Variants in ZNF217 observed in about 807,000 individuals in gnomAD.
ZNF217 encodes the protein zinc finger protein 217.
In ZNF217, 12 loss-of-function variants were observed where a neutral mutation model predicts 73.3. The ratio of observed to expected loss-of-function variants is 0.16; its 90% CI spans 0.10 to 0.27. The LOEUF (loss-of-function observed/expected upper bound fraction) is 0.27. ZNF217 is among the 10% of genes least tolerant of loss of function. The probability of loss-of-function intolerance (pLI) is 1.00; values close to 1 mark genes in which losing one functional copy is unlikely to be tolerated. For synonymous variants in ZNF217, 588 were observed against 516.4 expected (o/e 1.14, Z -1.88); for missense variants, 1,195 against 1,327.8 (o/e 0.90, Z 1.55).
chr20:53,593,460 G>A (rs966422268), intron 1 of ZNF217, among the ~76,000 whole-genome samples: 2 of 47,454 alleles, frequency 4.2e-5, no homozygotes, highest in African/African-American at 1.7e-4. Flanking sequence ...CCCCGCTCCC[G>A]GCGGAGATTC....
At chr20:53,596,040 G>A (rs1178082784), upstream of ZNF217, among the ~76,000 whole-genome samples, 4 of 152,102 alleles carry the variant, frequency 2.6e-5, no homozygotes, top group Middle Eastern at 6.3e-3. Context: ...AACTTTTCAG[G>A]GGGAATAGGG....
intron 1 of ZNF217, among the ~76,000 whole-genome samples, chr20:53,590,518 G>C (rs1988841172): frequency 6.6e-6 from 1 of 152,050 alleles, no homozygotes; most frequent in African/African-American, 2.4e-5. Context: ...CTTTTTTAAA[G>C]TGGCATCTTT....
upstream of ZNF217, among the ~76,000 whole-genome samples, chr20:53,595,829 A>T (rs1047861516): frequency 2.2e-4 from 34 of 152,252 alleles, no homozygotes; most frequent in Non-Finnish European, 3.5e-4. Flanking sequence ...ACTTCATTTA[A>T]CTTTATGAAA....
chr20:53,573,023 C>A (rs544888287), intron 4 of ZNF217, among the ~76,000 whole-genome samples: 1 of 152,096 alleles, frequency 6.6e-6, no homozygotes, highest in African/African-American at 2.4e-5. Context: ...CAGGACCACC[C>A]GCCCCCACCA....
rs377359874 is a variant in ZNF217, at chr20:53,587,782, GT to G, written c.-342-4615del. 4.7e-3 allele frequency among the ~76,000 whole-genome samples: 693 copies of G among 148,138 alleles called. 10 individuals are homozygous for G. The highest frequency in any genetic ancestry group is 0.016 in the African/African-American group (647 of 39,716). On this transcript the variant is annotated intron_variant, in intron 1 of 5. Transcript: ENST00000371471. ...CTAGAAGTTTACATTTTCTCTGAAA[GT>G]TTTTCCTCTGTCTTTTACGCACAGT...
chr20:53,593,959 C>T (rs1988981984), upstream of ZNF217: 3 of 151,734 alleles, frequency 2.0e-5, no homozygotes, highest in Non-Finnish European at 4.4e-5. Context: ...CGCACCCGGC[C>T]CCCCAAAAGA....
Position 53,576,901 on chromosome 20 carries a change from A to G in ZNF217, c.1863T>C (p.Ala621=). The change falls in exon 4 of 6, where the codon GCT becomes GCC. Residue 621 remains alanine, a synonymous_variant. Coordinates refer to ENST00000371471, the MANE Select transcript of ZNF217 (RefSeq NM_006526.3). The part of the protein sequence containing the change: ...ADKVNKNPTP[A]YLDLLKKRSA... The stretch of plus-strand genomic sequence containing the variant: ...ATCTCTTTTTTAACAGGTCCAGGTA[A>G]GCAGGGGTAGGGTTTTTATTCACTT... The G allele has an allele frequency of 6.2e-7, 1 of 1,614,214 alleles. No homozygotes were observed. The highest frequency in any genetic ancestry group is 1.3e-5 in the African/African-American group (1 of 75,048).
intron 4 of ZNF217, chr20:53,574,908 G>C (rs1228152288): frequency 6.6e-6 from 1 of 152,326 alleles, no homozygotes; most frequent in Non-Finnish European, 1.5e-5. Context: ...GGGCTGTGAT[G>C]AAGTGAGGCA....
chr20:53,578,518 T>A, intron 2 of ZNF217, 68 bp from the exon 3 acceptor site: 1 of 954,120 alleles, frequency 1.0e-6, no homozygotes, highest in Non-Finnish European at 1.5e-6. Flanking sequence ...CATGCTGACT[T>A]AAATATTCTT....
chr20:53,569,554 T>C (rs960902831), intron 5 of ZNF217, among the ~76,000 whole-genome samples: 4 of 152,112 alleles, frequency 2.6e-5, no homozygotes, highest in African/African-American at 9.7e-5. Flanking sequence ...GGCTAATTTT[T>C]TTGTATTTTT....
In ZNF217 at chr20:53,576,309, T is replaced by C. The variant is rs1988265697; in HGVS notation, c.2455A>G (p.Lys819Glu). 6.2e-7 allele frequency: 1 copy of C among 1,614,104 alleles called. No individual in the cohort carries two copies. Among genetic ancestry groups the C allele is most frequent in the Non-Finnish European group, 8.5e-7 (1 of 1,180,046 alleles). ...ACATTCTGCTGTGGTCTGTGGGACT[T>C]CAGGTTACTTGGGGCTAAAGTGCTA... The part of the protein sequence containing the change: ...DSSTLAPSNL[K>E]SHRPQQNVGV... The change falls in exon 4 of 6, where the codon AAG becomes GAG. Residue 819 changes from lysine (K) to glutamate (E), a missense_variant. Lys to Glu is a moderately conservative substitution (Grantham distance 56). Transcript: ENST00000371471.
chr20:53,582,686 T>C lies in ZNF217; in HGVS notation c.141A>G (p.Pro47=). ...ALSMKGTAVV[P]FRATQEKNVI... ...CATTTTTTTCTTGTGTAGCTCGGAA[T>C]GGAACAACAGCGGTCCCTTTCATTG... The change falls in exon 2 of 6, where the codon CCA becomes CCG. Residue 47 remains proline, a synonymous_variant. Coordinates refer to ENST00000371471, the MANE Select transcript of ZNF217 (RefSeq NM_006526.3). This position sits in a 1 kb window ranked among gnomAD's most constrained non-coding sequence, Gnocchi z 4.8. 2 of 1,614,202 alleles carry C rather than the reference T, an allele frequency of 1.2e-6. No homozygotes were observed. Among genetic ancestry groups the C allele is most frequent in the South Asian group, 1.1e-5 (1 of 91,082 alleles).
chr20:53,575,664 T>C, intron 4 of ZNF217, 63 bp downstream of exon 4: 1 of 1,451,044 alleles, frequency 6.9e-7, no homozygotes, highest in Admixed American at 2.4e-5. Flanking sequence ...CCACTGAGAA[T>C]GCCTGGATTA....
At chr20:53,596,306 C>T (rs1248127309), upstream of ZNF217, among the ~76,000 whole-genome samples, 1 of 151,930 alleles carries the variant, frequency 6.6e-6, no homozygotes, top group Non-Finnish European at 1.5e-5. Flanking sequence ...TTATAATTCA[C>T]TGATCTGTCT....
In ZNF217 at chr20:53,581,197, C is replaced by T. The variant is rs982763030; in HGVS notation, c.1366+264G>A. ...TTTAAAGTGTGTTTTGTGAGCAAAA[C>T]GATACACGTTTAAAAAATATATATA... On this transcript the variant is annotated intron_variant, in intron 2 of 5. Transcript: ENST00000371471. The surrounding 1 kb of genome is among the most constrained non-coding windows in gnomAD (Gnocchi z 4.9). Among the ~76,000 whole-genome samples the T allele has an allele frequency of 6.6e-6, 1 of 151,742 alleles. No homozygotes were observed. Among genetic ancestry groups the T allele is most frequent in the Non-Finnish European group, 1.5e-5 (1 of 67,976 alleles).
At position 53,581,846 on chromosome 20, in the gene ZNF217, C is replaced by T. The variant is rs149567563; in HGVS notation, c.981G>A (p.Ser327=). ...GQEGSTDNDD[S]SSEKELGETN... is the part of the protein sequence containing the mutation. Reference sequence around the variant, plus strand: ...TTTCTCCAAGCTCCTTCTCGGAACTCGAATCGTCGTTGTCGGTGCTCCCTT... The same window carrying T: ...TTTCTCCAAGCTCCTTCTCGGAACTTGAATCGTCGTTGTCGGTGCTCCCTT... The change falls in exon 2 of 6, where the codon TCG becomes TCA. Residue 327 remains serine, a synonymous_variant. Transcript: ENST00000371471. The surrounding 1 kb of genome is among the most constrained non-coding windows in gnomAD (Gnocchi z 4.9). 43 of 1,614,152 alleles carry T rather than the reference C, an allele frequency of 2.7e-5. No homozygotes were observed. The highest frequency in any genetic ancestry group is 3.4e-5 in the Non-Finnish European group (40 of 1,180,064).
At position 53,578,448 on chromosome 20, in the gene ZNF217, T is replaced by C; in HGVS notation, c.1369A>G (p.Lys457Glu). 1 of 1,557,114 alleles carries C rather than the reference T, an allele frequency of 6.4e-7. No individual in the cohort carries two copies. Among genetic ancestry groups the C allele is most frequent in the Non-Finnish European group, 8.7e-7 (1 of 1,155,786 alleles). ...TTTATTTTTCCTCCATCATCATTTT[T>C]ATCTTAAAGGAAAAACAAAAATATT... The part of the protein sequence containing the change: ...DGLPEGIHLD[K>E]NDDGGKIKHL... Residue 457 changes from lysine (K) to glutamate (E), a missense_variant and splice_region_variant, in exon 3 of 6, where the codon AAA becomes GAA. Lys to Glu is a moderately conservative substitution (Grantham distance 56). Around this residue, in one of 9 missense-constraint regions of ZNF217, gnomAD observed 116 missense variants for 121.9 expected, o/e 0.95. Coordinates refer to ENST00000371471, the MANE Select transcript of ZNF217 (RefSeq NM_006526.3).
At chr20:53,588,623 T>C (rs200176759) in intron 1 of ZNF217, among the ~76,000 whole-genome samples, 58,534 of 125,224 alleles carry the variant, frequency 0.47, 11,521 homozygotes, top group Non-Finnish European at 0.51. Flanking sequence ...TATATATATA[T>C]ATACACACAC....
Position 53,582,736 on chromosome 20 carries a change from G to C in ZNF217, c.91C>G (p.Pro31Ala), listed in dbSNP as rs763046146. The C allele has an allele frequency of 1.2e-6, 2 of 1,614,094 alleles. No individual in the cohort carries two copies. Among genetic ancestry groups the C allele is most frequent in the Non-Finnish European group, 1.7e-6 (2 of 1,180,030 alleles). Residue 31 changes from proline to alanine, a missense_variant, in exon 2 of 6, where the codon CCG becomes GCG. Transcript: ENST00000371471. The surrounding 1 kb of genome is among the most constrained non-coding windows in gnomAD (Gnocchi z 4.8). Reference sequence around the variant, plus strand: ...GACAAGGCATCCTCCATCTCCATCGGACTGCCAAGAGAGCTGCCAATCACT... The same window carrying C: ...GACAAGGCATCCTCCATCTCCATCGCACTGCCAAGAGAGCTGCCAATCACT... ...PEVIGSSLGS[P>A]MEMEDALSMK...
Sources: allele counts gnomAD v4.1 joint callset (sites outside exome capture counted in the v4.1 genomes callset), GRCh38; gene constraint gnomAD v4.1.1; regional missense constraint gnomAD v4.1.1; non-coding constraint Gnocchi (gnomAD v3.1); transcripts MANE v1.5; gene names NCBI Gene and HGNC (gene_info 2026-07-23, HGNC 2026-07-21).